Variants in SLC43A2 observed in about 807,000 individuals in gnomAD.
SLC43A2 encodes large neutral amino acids transporter small subunit 4.
A neutral mutation model predicts 63.2 loss-of-function variants in SLC43A2; 38 were observed. The ratio of observed to expected loss-of-function variants is 0.60; its 90% CI spans 0.46 to 0.79. The LOEUF (loss-of-function observed/expected upper bound fraction) is 0.79, where lower values mean the gene tolerates loss of function less well. SLC43A2 is among the 30% of genes least tolerant of loss of function. The probability of loss-of-function intolerance (pLI) is 0.00; values close to 1 mark genes in which losing one functional copy is unlikely to be tolerated. For missense variants in SLC43A2, 644 were observed against 756.2 expected, an observed-to-expected ratio of 0.85 and a Z score of 1.74; for synonymous variants, 322 against 331.0, an observed-to-expected ratio of 0.97 and a Z score of 0.30.
rs772522383 is a variant in SLC43A2 at position 1,576,734 on chromosome 17, G to C, written c.1425-14C>G. Reference sequence around the variant, plus strand: ...GTGGAGGGGTACCTGCAGGGCAAGCGACAGCTCACAGCCATCCTGCCTCCT... The same window carrying C: ...GTGGAGGGGTACCTGCAGGGCAAGCCACAGCTCACAGCCATCCTGCCTCCT... On this transcript the variant is annotated splice_polypyrimidine_tract_variant and intron_variant, in intron 12 of 13. Coordinates refer to ENST00000301335, the MANE Select transcript of SLC43A2 (RefSeq NM_152346.3). 3.7e-6 allele frequency: 6 copies of C among 1,607,034 alleles called. No individual in the cohort carries two copies. The East Asian group carries it at 1.3e-4, about 36-fold the overall frequency.
At chr17:1,589,004 G>A (rs1419320518) in intron 9 of SLC43A2, among the ~76,000 whole-genome samples, 1 of 152,222 alleles carries the variant, frequency 6.6e-6, no homozygotes, top group Non-Finnish European at 1.5e-5. Flanking sequence ...AAAGTGACCC[G>A]GACCCTGCAG....
At chr17:1,589,799 T>C (rs1397053671) in intron 9 of SLC43A2, among the ~76,000 whole-genome samples, 1 of 152,070 alleles carries the variant, frequency 6.6e-6, no homozygotes, top group East Asian at 1.9e-4. Context: ...TTTGTATTTT[T>C]AGTAGAGATG....
intron 5 of SLC43A2, among the ~76,000 whole-genome samples, chr17:1,610,526 C>G (rs1297852808): frequency 6.6e-6 from 1 of 150,658 alleles, no homozygotes; most frequent in Admixed American, 6.6e-5. Context: ...ACCTTAGCCT[C>G]CCAAAGTGCT....
intron 13 of SLC43A2, among the ~76,000 whole-genome samples, chr17:1,576,363 T>C (rs2075930880): frequency 6.6e-6 from 1 of 152,004 alleles, no homozygotes; most frequent in Admixed American, 6.6e-5. Flanking sequence ...GGATTACAGG[T>C]GTGAGCCACC....
upstream of SLC43A2, chr17:1,628,841 T>TCTTTTATTCCAGCC (rs1422285469): frequency 3.3e-5 from 5 of 152,336 alleles, no homozygotes; most frequent in Admixed American, 6.5e-5. Flanking sequence ...TTTTCTGCCC[T>TCTTTTATTCCAGCC]CTTTTATTCC....
intron 2 of SLC43A2, among the ~76,000 whole-genome samples, chr17:1,617,401 T>C (rs1476823203): frequency 6.6e-6 from 1 of 152,120 alleles, no homozygotes; most frequent in Non-Finnish European, 1.5e-5. Flanking sequence ...CTTTTTCTTT[T>C]TTTTTTTGAG....
chr17:1,605,040 G>A lies in SLC43A2; in HGVS notation c.501+8155C>T. On this transcript the variant is annotated intron_variant, in intron 5 of 13. Coordinates refer to ENST00000301335, the MANE Select transcript of SLC43A2 (RefSeq NM_152346.3). The surrounding 1 kb of genome is among the most constrained non-coding windows in gnomAD (Gnocchi z 4.9). ...GGGGAAGGACCAGCTTTGCTGCCAAGCAGGAAGCCGGAGCTGTTTCCTGAC... is the reference window on the plus strand; with the variant it reads ...GGGGAAGGACCAGCTTTGCTGCCAAACAGGAAGCCGGAGCTGTTTCCTGAC... The A allele has an allele frequency of 4.9e-6, 7 of 1,416,382 alleles. No individual in the cohort carries two copies. Among genetic ancestry groups the A allele is most frequent in the Non-Finnish European group, 6.4e-6 (7 of 1,086,862 alleles). The allele number at this position is 1,416,382 out of a possible 1,614,324, so 87.7% of individuals were successfully genotyped here.
intron 8 of SLC43A2, 40 bp downstream of exon 8, chr17:1,591,229 A>C (rs753884347): frequency 1.3e-6 from 2 of 1,593,232 alleles, no homozygotes; most frequent in Non-Finnish European, 1.7e-6. Flanking sequence ...CCCACAGAGC[A>C]CTCCCTGCCC....
chr17:1,616,873 G>C lies in SLC43A2; in HGVS notation c.161-104C>G, dbSNP rs1907735298. ...CAGAGTCCCCCCACTGGGAATGCCAGGGCTGGCTGGCGGCCTCTCGAGGGC... is the reference window on the plus strand; with the variant it reads ...CAGAGTCCCCCCACTGGGAATGCCACGGCTGGCTGGCGGCCTCTCGAGGGC... On this transcript the variant is annotated intron_variant, in intron 2 of 13. Transcript: ENST00000301335. 2.9e-6 allele frequency: 4 copies of C among 1,363,200 alleles called. No individual in the cohort carries two copies. The South Asian group carries it at 3.9e-5, about 13-fold the overall frequency. 84.4% of individuals were successfully genotyped at this position (1,363,200 alleles called of 1,614,324 possible).
At chr17:1,592,285 G>A (rs1251466090) in intron 6 of SLC43A2, among the ~76,000 whole-genome samples, 2 of 152,276 alleles carry the variant, frequency 1.3e-5, no homozygotes, top group Admixed American at 6.5e-5. Context: ...AAATTAGCCG[G>A]GCATGGTGGC....
chr17:1,627,353 G>C (rs956191177), intron 2 of SLC43A2, among the ~76,000 whole-genome samples: 2 of 152,164 alleles, frequency 1.3e-5, no homozygotes, highest in African/African-American at 4.8e-5. Flanking sequence ...CAAGCAGACA[G>C]CAACATGTTT....
Position 1,571,834 on chromosome 17 carries a change from C to T in SLC43A2, c.*3770G>A, listed in dbSNP as rs1051807701. On this transcript the variant is annotated 3_prime_UTR_variant, in exon 14 of 14. Coordinates refer to ENST00000301335, the MANE Select transcript of SLC43A2 (RefSeq NM_152346.3). This position sits in a 1 kb window ranked among gnomAD's most constrained non-coding sequence, Gnocchi z 5.2. ...GAGGCCTAGAGGGTTTGGAGAAGGC[C>T]GACCACAAAGACACGCCTAGACCCC... 1 of 152,180 alleles carries T rather than the reference C, an allele frequency of 6.6e-6. No homozygotes were observed. Among genetic ancestry groups the T allele is most frequent in the Non-Finnish European group, 1.5e-5 (1 of 68,066 alleles). The allele number at this position is 152,180 out of a possible 1,614,324, so 9.4% of individuals were successfully genotyped here.
chr17:1,609,506 A>T (rs1188833311), intron 5 of SLC43A2, among the ~76,000 whole-genome samples: 2 of 152,124 alleles, frequency 1.3e-5, no homozygotes, highest in Non-Finnish European at 2.9e-5. Context: ...CCGGCCAGAT[A>T]ACATTTTTAG....
chr17:1,628,871 CA>C (rs1281874953), upstream of SLC43A2: 1 of 152,224 alleles, frequency 6.6e-6, no homozygotes, highest in Admixed American at 6.5e-5. Context: ...ATTCCGACCC[CA>C]AGAAGAAAAC....
chr17:1,615,329 C>T (rs556911543), intron 3 of SLC43A2, among the ~76,000 whole-genome samples: 80 of 151,824 alleles, frequency 5.3e-4, no homozygotes, highest in Non-Finnish European at 1.1e-3. Context: ...AGGCTGGTCT[C>T]GAACTCCTGG....
chr17:1,572,831 G>A lies in SLC43A2; in HGVS notation c.*2773C>T, dbSNP rs2075866017. The A allele has an allele frequency of 2.0e-5, 3 of 152,246 alleles. No homozygotes were observed. Among genetic ancestry groups the A allele is most frequent in the African/African-American group, 7.2e-5 (3 of 41,432 alleles). 9.4% of individuals were successfully genotyped at this position (152,246 alleles called of 1,614,324 possible). A position where few individuals can be genotyped will look rare whatever the true frequency, so the allele number is the denominator to read the frequency against. ...AGGCAGCACTGCCCACTTTGGCTGG[G>A]ACTGGGCACTGCTGGGGACAGCACG... On this transcript the variant is annotated 3_prime_UTR_variant, in exon 14 of 14. Coordinates refer to ENST00000301335, the MANE Select transcript of SLC43A2 (RefSeq NM_152346.3).
chr17:1,585,642 C>G (rs1191715094), intron 10 of SLC43A2: 5 of 1,346,956 alleles, frequency 3.7e-6, no homozygotes, highest in African/African-American at 1.5e-5. Context: ...CCTACCCCAG[C>G]CTTTCAAAGT....
In SLC43A2 at chr17:1,578,163, C is replaced by T. The variant is rs1394145487; in HGVS notation, c.1424+87G>A. On this transcript the variant is annotated intron_variant, in intron 12 of 13. Transcript: ENST00000301335. The surrounding 1 kb of genome is among the most constrained non-coding windows in gnomAD (Gnocchi z 6.5). ...GCCCTTCTGGGACAGGCTGACCCTG[C>T]CTCAGAGTCTCAGTCCCACCAGCAA... 7.5e-7 allele frequency: 1 copy of T among 1,339,048 alleles called. No homozygotes were observed. Among genetic ancestry groups the T allele is most frequent in the African/African-American group, 1.4e-5 (1 of 69,554 alleles). The allele number at this position is 1,339,048 out of a possible 1,614,324, so 82.9% of individuals were successfully genotyped here. A position where few individuals can be genotyped will look rare whatever the true frequency, so the allele number is the denominator to read the frequency against.
intron 13 of SLC43A2, among the ~76,000 whole-genome samples, 168 bp downstream of exon 13, chr17:1,576,429 A>G (rs1320119323): frequency 6.6e-6 from 1 of 152,092 alleles, no homozygotes; most frequent in African/African-American, 2.4e-5. Context: ...CAGAGAGGAC[A>G]TGTTCCTTTT....
Sources: gnomAD v4.1 joint callset for allele counts (sites outside exome capture counted in the v4.1 genomes callset) on GRCh38, gnomAD v4.1.1 for gene constraint, Gnocchi (gnomAD v3.1) non-coding constraint, MANE v1.5 for transcripts, NCBI Gene and HGNC (gene_info 2026-07-23, HGNC 2026-07-21) for gene names.